The following GCH1 variants were observed in gnomAD, a reference collection of about 807,000 sequenced individuals.
The protein encoded by GCH1 is GTP cyclohydrolase 1, also known as GTP cyclohydrolase I.
A neutral mutation model predicts 25.9 loss-of-function variants in GCH1; 5 were observed. The ratio of observed to expected loss-of-function variants is 0.19; its 90% confidence interval spans 0.10 to 0.41. GCH1 has a LOEUF of 0.41. Among genes scored for constraint, GCH1 ranks in the 10% least tolerant of loss-of-function variants. GCH1 has a pLI of 1.00. For missense variants in GCH1, 261 were observed against 336.5 expected, an observed-to-expected ratio of 0.78 and a Z score of 1.75; for synonymous variants, 159 against 129.6, an observed-to-expected ratio of 1.23 and a Z score of -1.54.
At chr14:54,882,036 T>C (rs947957847) in intron 1 of GCH1, among the ~76,000 whole-genome samples, 2 of 152,226 alleles carry the variant, frequency 1.3e-5, no homozygotes, top group South Asian at 4.1e-4. Flanking sequence ...ATTACAACAG[T>C]AATATTCATG....
chr14:54,871,215 G>A (rs921340812), intron 1 of GCH1, among the ~76,000 whole-genome samples: 2 of 152,180 alleles, frequency 1.3e-5, no homozygotes, highest in African/African-American at 2.4e-5. Context: ...TGCAGCCTCC[G>A]CTGCTAATAC....
chr14:54,899,757 A>G (rs1352758527), intron 1 of GCH1, among the ~76,000 whole-genome samples: 1 of 152,190 alleles, frequency 6.6e-6, no homozygotes, highest in African/African-American at 2.4e-5. Context: ...TCATGACTCC[A>G]AAAGGAAGCT....
intron 1 of GCH1, among the ~76,000 whole-genome samples, chr14:54,888,431 T>G (rs2040380817): frequency 6.6e-6 from 1 of 151,942 alleles, no homozygotes; most frequent in South Asian, 2.1e-4. Context: ...CTCACCTACC[T>G]AAGTTCATAA....
Position 54,843,057 on chromosome 14 carries a change from G to C in GCH1, c.*960C>G, listed in dbSNP as rs1353620171. 2.7e-6 allele frequency: 3 copies of C among 1,128,212 alleles called. No individual in the cohort carries two copies. The highest frequency in any genetic ancestry group is 1.2e-5 in the South Asian group (1 of 80,420). The allele number at this position is 1,128,212 out of a possible 1,614,324, so 69.9% of individuals were successfully genotyped here. ...GTGGAAGCTATGGTTCTGCAGACCT[G>C]AAAATGATGGGCACTCTCAAATGTT... On this transcript the variant is annotated 3_prime_UTR_variant, in exon 6 of 6. Transcript: ENST00000491895.
At chr14:54,870,046 A>G (rs1467708385) in intron 1 of GCH1, among the ~76,000 whole-genome samples, 1 of 152,172 alleles carries the variant, frequency 6.6e-6, no homozygotes, top group Non-Finnish European at 1.5e-5. Flanking sequence ...TTCACTGCAA[A>G]AGGAAAGAAA....
At chr14:54,870,682 C>T (rs557241510) in intron 1 of GCH1, among the ~76,000 whole-genome samples, 3 of 152,316 alleles carry the variant, frequency 2.0e-5, no homozygotes, top group African/African-American at 7.2e-5. Context: ...TCTTAGCAAA[C>T]GGCACACCAG....
intron 1 of GCH1, among the ~76,000 whole-genome samples, chr14:54,883,418 G>A (rs2040301431): frequency 7.4e-6 from 1 of 135,426 alleles, no homozygotes; most frequent in Non-Finnish European, 1.6e-5. Flanking sequence ...GGTGGCTCAC[G>A]CCTGTAATCC....
rs115987435 is a variant in GCH1, at chr14:54,876,763, T to C, written c.344-11327A>G. ...GGAGGAGCTATGAACATATGACATA[T>C]ACATATGAATGTATATGCTTATCTG... On this transcript the variant is annotated intron_variant, in intron 1 of 5. Transcript: ENST00000491895. Among the ~76,000 whole-genome samples the C allele has an allele frequency of 2.3e-3, 348 of 152,248 alleles. 3 individuals carry two copies. The highest frequency in any genetic ancestry group is 8.0e-3 in the African/African-American group (334 of 41,536).
At chr14:54,881,812 T>C (rs2040277143) in intron 1 of GCH1, among the ~76,000 whole-genome samples, 1 of 152,258 alleles carries the variant, frequency 6.6e-6, no homozygotes, top group African/African-American at 2.4e-5. Flanking sequence ...CAAATTCATA[T>C]GTTGCTCTTA....
intron 1 of GCH1, among the ~76,000 whole-genome samples, chr14:54,880,140 C>CA (rs58085261): frequency 0.23 from 32,254 of 141,034 alleles, 4,907 homozygotes; most frequent in East Asian, 0.46. Context: ...GACTCCATCT[C>CA]AAAAAAAAAA....
At chr14:54,857,929 A>G (rs372508151) in intron 3 of GCH1, among the ~76,000 whole-genome samples, 5 of 152,214 alleles carry the variant, frequency 3.3e-5, no homozygotes, top group African/African-American at 7.2e-5. Context: ...AATTACAGCT[A>G]TGATATAATA....
At chr14:54,879,278 G>A (rs184861020) in intron 1 of GCH1, among the ~76,000 whole-genome samples, 128 of 151,992 alleles carry the variant, frequency 8.4e-4, no homozygotes, top group African/African-American at 2.7e-3. Context: ...AAAATTAGCC[G>A]GATGTGGTGC....
At position 54,886,384 on chromosome 14, in the gene GCH1, C is replaced by T. The variant is rs373201513; in HGVS notation, c.343+15937G>A. 2.4e-3 allele frequency among the ~76,000 whole-genome samples: 359 copies of T among 150,754 alleles called. 3 individuals carry two copies. The highest frequency in any genetic ancestry group is 8.1e-3 in the African/African-American group (334 of 41,048). ...TCCCCGCACTTTGGGAGGCCGAGGC[C>T]GGTGGATCACGAGGTCAGGAGATTG... On this transcript the variant is annotated intron_variant, in intron 1 of 5. Coordinates refer to ENST00000491895, the MANE Select transcript of GCH1 (RefSeq NM_000161.3).
intron 1 of GCH1, among the ~76,000 whole-genome samples, chr14:54,894,511 G>A (rs77497040): frequency 1.1e-4 from 17 of 152,146 alleles, no homozygotes; most frequent in East Asian, 7.7e-4. Flanking sequence ...CCTAGTTTGC[G>A]GTACTGTGTG....
intron 1 of GCH1, among the ~76,000 whole-genome samples, chr14:54,892,658 C>T (rs2040438090): frequency 6.6e-6 from 1 of 152,024 alleles, no homozygotes; most frequent in Non-Finnish European, 1.5e-5. Context: ...CACTTCACTC[C>T]AGCCTGGGCG....
Position 54,844,139 on chromosome 14 carries a change from T to G in GCH1, c.631A>C (p.Met211Leu). 1 of 1,610,114 alleles carries G rather than the reference T, an allele frequency of 6.2e-7. No individual in the cohort carries two copies. Among genetic ancestry groups the G allele is most frequent in the South Asian group, 1.1e-5 (1 of 90,994 alleles). The stretch of plus-strand genomic sequence containing the variant: ...TGTACACCTCGCATTACCATACACA[T>G]GTGTCTACAAAATAAGGCAACACAG... ...GVGVVVEATH[M>L]CMVMRGVQKM... Residue 211 changes from methionine to leucine, a missense_variant, in exon 6 of 6, where the codon ATG becomes CTG. Met to Leu is a conservative substitution (Grantham distance 15, BLOSUM62 2). Coordinates refer to ENST00000491895, the MANE Select transcript of GCH1 (RefSeq NM_000161.3).
chr14:54,896,129 A>T (rs1420368896), intron 1 of GCH1, among the ~76,000 whole-genome samples: 1 of 152,254 alleles, frequency 6.6e-6, no homozygotes, highest in East Asian at 1.9e-4. Context: ...AGTCAACATT[A>T]CTAACCAGGA....
chr14:54,890,235 C>T (rs766016155), intron 1 of GCH1, among the ~76,000 whole-genome samples: 8 of 152,228 alleles, frequency 5.3e-5, no homozygotes, highest in Non-Finnish European at 8.8e-5. Context: ...CGGTGGCTTA[C>T]GCCTGTAATC....
chr14:54,854,051 T>C (rs2039773420), intron 3 of GCH1, among the ~76,000 whole-genome samples: 1 of 152,244 alleles, frequency 6.6e-6, no homozygotes, highest in Admixed American at 6.5e-5. Flanking sequence ...ATAAAGCATA[T>C]TTTTAGTTAC....
Sources: allele counts gnomAD v4.1 joint callset (sites outside exome capture counted in the v4.1 genomes callset), GRCh38; gene constraint gnomAD v4.1.1; transcripts MANE v1.5; gene names NCBI Gene and HGNC (gene_info 2026-07-23, HGNC 2026-07-21).